Variants in ATXN2L observed in about 807,000 individuals in gnomAD.
ATXN2L encodes ataxin 2 like, also known as ataxin-2-like protein.
ATXN2L carries 24 observed loss-of-function variants against 120.7 expected under a neutral mutation model. The observed-to-expected ratio is 0.20, with a 90% confidence interval of 0.14 to 0.28. The LOEUF is 0.28. Ranked by LOEUF, ATXN2L falls within the 10% of genes least tolerant of loss-of-function variation. The pLI is 1.00. For missense variants in ATXN2L, 1,312 were observed against 1,432.3 expected (o/e 0.92, Z 1.36); for synonymous variants, 653 against 568.1 (o/e 1.15, Z -2.13).
At chr16:28,834,264 G>T (rs895602064) in intron 16 of ATXN2L, 53 bp downstream of exon 16, 2 of 1,609,954 alleles carry the variant, frequency 1.2e-6, no homozygotes, top group South Asian at 1.1e-5. Flanking sequence ...ATTTGGTTGC[G>T]CTGGTTGAGG....
rs1342668342 is a variant in ATXN2L at position 28,825,645 on chromosome 16, A to G, written c.358A>G (p.Asn120Asp). The G allele has an allele frequency of 6.2e-7, 1 of 1,614,216 alleles. No individual in the cohort carries two copies. The highest frequency in any genetic ancestry group is 2.2e-5 in the East Asian group (1 of 44,894). The change falls in exon 3 of 22, where the codon AAT becomes GAT. Residue 120 changes from asparagine (N) to aspartate (D), a missense_variant. Transcript: ENST00000336783. ...QSPVFEGVYN[N>D]SRMLHFLTAV... ...ACAGGTGTTTGAAGGCGTCTACAAC[A>G]ATTCCAGAATGCTGCATTTCCTTAC... is the stretch of plus-strand genomic sequence containing the variant.
chr16:28,823,979 C>A, intron 1 of ATXN2L: 2 of 460,824 alleles, frequency 4.3e-6, no homozygotes, highest in Non-Finnish European at 5.8e-6. Flanking sequence ...TGGAGGGGGG[C>A]GCGCGGCCCA....
rs747553048 is a variant in ATXN2L at position 28,834,510 on chromosome 16, C to T, written c.2250C>T (p.Ser750=). The change falls in exon 18 of 22, where the codon TCC becomes TCT. Residue 750 remains serine (S), a synonymous_variant. Coordinates refer to ENST00000336783, the MANE Select transcript of ATXN2L (RefSeq NM_007245.4). Reference sequence around the variant, plus strand: ...CCTCTCCTCCTCCTCTTCCAGGCTCCCTTCCTCCGCAGCGCTCGGACCAAC... The same window carrying T: ...CCTCTCCTCCTCCTCTTCCAGGCTCTCTTCCTCCGCAGCGCTCGGACCAAC... ...QQGKYRGAKG[S]LPPQRSDQHQ... is the part of the protein sequence containing the mutation. 2.5e-6 allele frequency: 4 copies of T among 1,611,620 alleles called. No individual in the cohort carries two copies. The African/African-American group carries it at 5.3e-5, about 22-fold the overall frequency.
At position 28,832,498 on chromosome 16, in the gene ATXN2L, A is replaced by G. The variant is rs1196612428; in HGVS notation, c.1519A>G (p.Lys507Glu). The G allele has an allele frequency of 1.2e-6, 2 of 1,614,032 alleles. No individual in the cohort carries two copies. Among genetic ancestry groups the G allele is most frequent in the Non-Finnish European group, 1.7e-6 (2 of 1,180,014 alleles). Reference sequence around the variant, plus strand: ...GGCATTTCTCTTTACTTGAACAGTAAAAGAACTCTCTACCAAGGAACCTGG... The same window carrying G: ...GGCATTTCTCTTTACTTGAACAGTAGAAGAACTCTCTACCAAGGAACCTGG... ...PKISLAPTDV[K>E]ELSTKEPGRT... Residue 507 changes from lysine to glutamate, a missense_variant and splice_region_variant, in exon 12 of 22, where the codon AAA becomes GAA. By Grantham distance (56) the Lys-to-Glu change is moderately conservative. Coordinates refer to ENST00000336783, the MANE Select transcript of ATXN2L (RefSeq NM_007245.4).
Position 28,826,946 on chromosome 16 carries a change from G to C in ATXN2L, c.701G>C (p.Gly234Ala), listed in dbSNP as rs1246088404. 55 of 1,584,708 alleles carry C rather than the reference G, an allele frequency of 3.5e-5. No individual in the cohort carries two copies. The highest frequency in any genetic ancestry group is 4.4e-5 in the Non-Finnish European group (51 of 1,161,860). Residue 234 changes from glycine to alanine, a missense_variant, in exon 6 of 22, where the codon GGT (glycine) becomes GCT (alanine). By Grantham distance (60) the Gly-to-Ala change is moderately conservative. Coordinates refer to ENST00000336783, the MANE Select transcript of ATXN2L (RefSeq NM_007245.4). The stretch of plus-strand genomic sequence containing the variant: ...AAGGTGCTTCAGCGCTGGGAGGGGG[G>C]TGACAGCAACAGCGACGACTATGAC... ...KEKVLQRWEGGDSNSDDYDLE... is the reference protein window; with the variant it reads ...KEKVLQRWEGADSNSDDYDLE...
chr16:28,828,267 A>AT (rs1398786752), intron 6 of ATXN2L, among the ~76,000 whole-genome samples: 2 of 152,122 alleles, frequency 1.3e-5, no homozygotes, highest in African/African-American at 4.8e-5. Flanking sequence ...GTTATTGATA[A>AT]TTTCTGCTGC....
chr16:28,831,055 T>C lies in ATXN2L; in HGVS notation c.1304T>C (p.Val435Ala). ...AATAGGCCTTCTGGAGAAACTTCTGTTCCACCTCCTCCTGCAGGTAAAGCT... is the reference window on the plus strand; with the variant it reads ...AATAGGCCTTCTGGAGAAACTTCTGCTCCACCTCCTCCTGCAGGTAAAGCT... ...PSNRPSGETSVPPPPAVGRMY... is the reference protein window; with the variant it reads ...PSNRPSGETSAPPPPAVGRMY... Residue 435 changes from valine to alanine, a missense_variant, in exon 10 of 22, where the codon GTT becomes GCT. Transcript: ENST00000336783. The C allele has an allele frequency of 6.2e-7, 1 of 1,608,060 alleles. No homozygotes were observed. The highest frequency in any genetic ancestry group is 8.5e-7 in the Non-Finnish European group (1 of 1,177,182).
intron 5 of ATXN2L, 149 bp downstream of exon 5, chr16:28,826,539 G>A (rs769903533): frequency 1.4e-5 from 12 of 846,996 alleles, no homozygotes; most frequent in South Asian, 1.9e-5. Context: ...TTTCCTGAGC[G>A]AAGTGGGTGG....
chr16:28,823,235 A>G lies in ATXN2L; in HGVS notation c.-25A>G, dbSNP rs372126467. ...CCCCCTCTCTCCCTCCCTTCTCTCT[A>G]ATTCCCCTTCCGGACGCTGCCATCA... On this transcript the variant is annotated 5_prime_UTR_variant, in exon 1 of 22. Coordinates refer to ENST00000336783, the MANE Select transcript of ATXN2L (RefSeq NM_007245.4). 3 of 1,400,134 alleles carry G rather than the reference A, an allele frequency of 2.1e-6. No individual in the cohort carries two copies. Among genetic ancestry groups the G allele is most frequent in the African/African-American group, 3.1e-5 (2 of 64,904 alleles). 86.7% of individuals were successfully genotyped at this position (1,400,134 alleles called of 1,614,324 possible).
chr16:28,836,145 T>G lies in ATXN2L; in HGVS notation c.3108T>G (p.Pro1036=). 1 of 1,614,068 alleles carries G rather than the reference T, an allele frequency of 6.2e-7. No homozygotes were observed. The highest frequency in any genetic ancestry group is 8.5e-7 in the Non-Finnish European group (1 of 1,179,992). The change falls in exon 22 of 22, where the codon CCT becomes CCG. Residue 1036 remains proline, a synonymous_variant. Coordinates refer to ENST00000336783, the MANE Select transcript of ATXN2L (RefSeq NM_007245.4). ...HPQGEQPGQA[P]GFPGGADDRI... ...AAGGTGAGCAGCCTGGCCAGGCGCCTGGATTTCCAGGAGGAGCCGATGACA... is the reference window on the plus strand; with the variant it reads ...AAGGTGAGCAGCCTGGCCAGGCGCCGGGATTTCCAGGAGGAGCCGATGACA...
intron 2 of ATXN2L, 98 bp from the exon 3 acceptor site, chr16:28,825,526 C>T (rs1181104220): frequency 2.0e-6 from 3 of 1,537,342 alleles, no homozygotes; most frequent in East Asian, 4.5e-5. Flanking sequence ...GCCCGGCACA[C>T]ACAAGGCAGA....
At position 28,823,532 on chromosome 16, in the gene ATXN2L, G is replaced by A. The variant is rs1455951489; in HGVS notation, c.273G>A (p.Pro91=). The A allele has an allele frequency of 7.3e-7, 1 of 1,373,218 alleles. No homozygotes were observed. The highest frequency in any genetic ancestry group is 3.4e-5 in the Admixed American group (1 of 29,040). 85.1% of individuals were successfully genotyped at this position (1,373,218 alleles called of 1,614,324 possible). ...CGCCGCAGCAACACCAGGAGAGGCC[G>A]GGGGCAGCCGCCATCGGCAGCGCCA... is the stretch of plus-strand genomic sequence containing the variant. ...PPPPQQHQER[P]GAAAIGSARG... Residue 91 remains proline, a synonymous_variant, in exon 1 of 22, where the codon CCG becomes CCA. Transcript: ENST00000336783.
chr16:28,831,099 G>T (rs371752882), intron 10 of ATXN2L, 27 bp downstream of exon 10: 1 of 1,429,626 alleles, frequency 7.0e-7, no homozygotes. Flanking sequence ...GTTGGATGAA[G>T]AAATGGATGG....
At position 28,823,221 on chromosome 16, in the gene ATXN2L, C is replaced by T. The variant is rs747348967; in HGVS notation, c.-39C>T. The T allele has an allele frequency of 1.2e-5, 16 of 1,338,658 alleles. No individual in the cohort carries two copies. In the African/African-American group the frequency reaches 1.5e-4, roughly 13 times the overall value. The allele number at this position is 1,338,658 out of a possible 1,614,324, so 82.9% of individuals were successfully genotyped here. A position where few individuals can be genotyped will look rare whatever the true frequency, so the allele number is the denominator to read the frequency against. On this transcript the variant is annotated 5_prime_UTR_variant, in exon 1 of 22. Coordinates refer to ENST00000336783, the MANE Select transcript of ATXN2L (RefSeq NM_007245.4). ...GGCCCCAGCCCCGGCCCCCTCTCTC[C>T]CTCCCTTCTCTCTAATTCCCCTTCC... is the stretch of plus-strand genomic sequence containing the variant.
At chr16:28,833,945 G>A in intron 15 of ATXN2L, 120 bp from the exon 16 acceptor site, 1 of 1,169,628 alleles carries the variant, frequency 8.5e-7, no homozygotes, top group Non-Finnish European at 1.2e-6. Context: ...GCTTTATCAA[G>A]ATAAGTGCAG....
chr16:28,830,503 A>G, intron 8 of ATXN2L, 112 bp from the exon 9 acceptor site: 1 of 1,003,974 alleles, frequency 1.0e-6, no homozygotes, highest in South Asian at 1.7e-5. Flanking sequence ...GGAGCCAGGC[A>G]GTGTGTGTAT....
rs751872594 is a variant in ATXN2L at position 28,826,373 on chromosome 16, T to A, written c.599T>A (p.Phe200Tyr). The change falls in exon 5 of 22, where the codon TTC (phenylalanine) becomes TAC (tyrosine). Residue 200 changes from phenylalanine (F) to tyrosine (Y), a missense_variant. Phe to Tyr is a conservative substitution (Grantham distance 22). Coordinates refer to ENST00000336783, the MANE Select transcript of ATXN2L (RefSeq NM_007245.4). ...CTTGTTCACTTCCGAAATGTTGACT[T>A]CAACTATGCTACTAAAGGTATTGTC... ...VMLVHFRNVD[F>Y]NYATKDKFTD... The A allele has an allele frequency of 6.2e-7, 1 of 1,614,188 alleles. No homozygotes were observed. The highest frequency in any genetic ancestry group is 2.2e-5 in the East Asian group (1 of 44,888).
At chr16:28,825,555 G>A in intron 2 of ATXN2L, 69 bp from the exon 3 acceptor site, 5 of 1,560,102 alleles carry the variant, frequency 3.2e-6, no homozygotes, top group Non-Finnish European at 4.4e-6. Flanking sequence ...AGTGCGGCGG[G>A]CATTTAGAAA....
At position 28,836,699 on chromosome 16, in the gene ATXN2L, C is replaced by T; in HGVS notation, c.*434C>T. 6.2e-7 allele frequency: 1 copy of T among 1,613,976 alleles called. No individual in the cohort carries two copies. Among genetic ancestry groups the T allele is most frequent in the Non-Finnish European group, 8.5e-7 (1 of 1,179,972 alleles). On this transcript the variant is annotated 3_prime_UTR_variant, in exon 22 of 22. Transcript: ENST00000336783. ...GACAGCTGCTTGGGTTCTAATGCTC[C>T]TGCTCTCTTCTCTTTCCCCTCCAAC... is the stretch of plus-strand genomic sequence containing the variant.
Sources: allele counts gnomAD v4.1 joint callset (sites outside exome capture counted in the v4.1 genomes callset), GRCh38; gene constraint gnomAD v4.1.1; transcripts MANE v1.5; gene names NCBI Gene and HGNC (gene_info 2026-07-23, HGNC 2026-07-21).